The following ADGRE2 variants were observed in gnomAD, a reference collection of about 807,000 sequenced individuals.
The protein encoded by ADGRE2 is adhesion G protein-coupled receptor E2, also known as CD97 antigen.
In ADGRE2, 83 loss-of-function variants were observed where a neutral mutation model predicts 100.8. That is an observed-to-expected ratio of 0.82 (90% CI 0.69 to 0.99). The LOEUF (loss-of-function observed/expected upper bound fraction) is 0.99. Among genes scored for constraint, ADGRE2 ranks in the 50% least tolerant of loss-of-function variants. The pLI is 0.00. For synonymous variants in ADGRE2, 355 were observed against 413.0 expected, an observed-to-expected ratio of 0.86 and a Z score of 1.70; for missense variants, 814 against 1,035.7, an observed-to-expected ratio of 0.79 and a Z score of 2.94.
At chr19:14,727,833 A>G (rs1406911468), downstream of ADGRE2, among the ~76,000 whole-genome samples, 4 of 152,234 alleles carry the variant, frequency 2.6e-5, no homozygotes, top group Non-Finnish European at 5.9e-5. Flanking sequence ...GTGGAAAATC[A>G]ATGGCTTATG....
chr19:14,777,825 C>T (rs1289004252), intron 1 of ADGRE2, among the ~76,000 whole-genome samples: 1 of 152,154 alleles, frequency 6.6e-6, no homozygotes, highest in East Asian at 1.9e-4. Context: ...GACATGAACT[C>T]ATCCTTTTTT....
chr19:14,726,010 C>T, the ADGRE2 span, among the ~76,000 whole-genome samples: 1 of 152,188 alleles, frequency 6.6e-6, no homozygotes, highest in Admixed American at 6.5e-5. Context: ...CAATGTCAGT[C>T]TCCTTCCTGG....
At chr19:14,750,646 A>G (rs772847381) in intron 16 of ADGRE2, among the ~76,000 whole-genome samples, 6 of 152,314 alleles carry the variant, frequency 3.9e-5, no homozygotes, top group Non-Finnish European at 2.9e-5. Flanking sequence ...CTATGACAAT[A>G]TCAATTATTT....
Position 14,755,021 on chromosome 19 carries a change from G to C in ADGRE2, c.1523C>G (p.Thr508Ser). 1 of 1,614,118 alleles carries C rather than the reference G, an allele frequency of 6.2e-7. No individual in the cohort carries two copies. The highest frequency in any genetic ancestry group is 8.5e-7 in the Non-Finnish European group (1 of 1,180,020). Reference protein sequence around the residue: ...TGCSTIGTRDTSTICRCTHLS... With the variant: ...TGCSTIGTRDSSTICRCTHLS... The stretch of plus-strand genomic sequence containing the variant: ...GTGGGTGCAACGGCAGATGGTGCTG[G>C]TGTCTCTGGTGCCTATTGTGCTGCA... The change falls in exon 14 of 21, where the codon ACC (threonine) becomes AGC (serine). Residue 508 changes from threonine to serine, a missense_variant. By Grantham distance (58) the Thr-to-Ser change is moderately conservative. Coordinates refer to ENST00000315576, the MANE Select transcript of ADGRE2 (RefSeq NM_013447.4).
intron 5 of ADGRE2, among the ~76,000 whole-genome samples, chr19:14,769,843 A>G (rs746908774): frequency 5.3e-5 from 8 of 152,116 alleles, no homozygotes; most frequent in Admixed American, 1.3e-4. Flanking sequence ...GACTACAGGC[A>G]CCCACCACCA....
intron 20 of ADGRE2, among the ~76,000 whole-genome samples, chr19:14,740,545 C>T (rs1018054679): frequency 6.7e-6 from 1 of 150,332 alleles, no homozygotes; most frequent in Non-Finnish European, 1.5e-5. Context: ...CGCTTTAACC[C>T]AGGAGGCGGA....
rs1265810384 is a variant in ADGRE2 at position 14,743,642 on chromosome 19, G to A, written c.2326C>T (p.Leu776=). The part of the protein sequence containing the change: ...INSLQGVFIF[L]VYCLLSQQVR... Reference sequence around the variant, plus strand: ...TGCTGGCTGAGGAGGCAGTACACCAGGAAGATGAAGACACCCTGCAGGCTG... The same window carrying A: ...TGCTGGCTGAGGAGGCAGTACACCAAGAAGATGAAGACACCCTGCAGGCTG... Residue 776 remains leucine (L), a synonymous_variant, in exon 19 of 21, where the codon CTG becomes TTG. Coordinates refer to ENST00000315576, the MANE Select transcript of ADGRE2 (RefSeq NM_013447.4). 3 of 1,614,104 alleles carry A rather than the reference G, an allele frequency of 1.9e-6. No individual in the cohort carries two copies. In the African/African-American group the frequency reaches 4.0e-5, roughly 22 times the overall value.
At position 14,746,888 on chromosome 19, in the gene ADGRE2, T is replaced by C; in HGVS notation, c.2091+8A>G. 1.2e-6 allele frequency: 2 copies of C among 1,613,206 alleles called. No homozygotes were observed. On this transcript the variant is annotated splice_region_variant and intron_variant, in intron 17 of 20. Coordinates refer to ENST00000315576, the MANE Select transcript of ADGRE2 (RefSeq NM_013447.4). ...GGGCAGCGAGGATGCTCAGATGATG[T>C]CACTCACAGAGAAGATGGCGCAGAC... is the stretch of plus-strand genomic sequence containing the variant.
rs373761237 is a variant in ADGRE2, at chr19:14,774,261, G to A, written c.77C>T (p.Ser26Phe). 5.1e-6 allele frequency: 8 copies of A among 1,576,228 alleles called. No homozygotes were observed. The East Asian group carries it at 6.8e-5, about 13-fold the overall frequency. The part of the protein sequence containing the change: ...LTLPGAETQD[S>F]RGCARWCPQD... ...CTGCTTCCCAGCAGACTCACCCCTG[G>A]AGTCCTGGGTTTCAGCTCCCGGCAG... Residue 26 changes from serine (S) to phenylalanine (F), a missense_variant, in exon 3 of 21, where the codon TCC (serine) becomes TTC (phenylalanine). By Grantham distance (155) the Ser-to-Phe change is radical (BLOSUM62 -2). Coordinates refer to ENST00000315576, the MANE Select transcript of ADGRE2 (RefSeq NM_013447.4).
intron 16 of ADGRE2, among the ~76,000 whole-genome samples, chr19:14,748,423 C>T (rs761267635): frequency 1.2e-4 from 19 of 152,156 alleles, no homozygotes; most frequent in Non-Finnish European, 2.1e-4. Context: ...ATTCTTGTGC[C>T]TCAGCCTCCC....
chr19:14,753,261 AG>A (rs1384739005), intron 14 of ADGRE2, among the ~76,000 whole-genome samples: 2 of 151,852 alleles, frequency 1.3e-5, no homozygotes, highest in Non-Finnish European at 2.9e-5. Context: ...ACAGCAATGC[AG>A]GTTTATGTCC....
chr19:14,755,291 A>G (rs1341336206), intron 13 of ADGRE2, among the ~76,000 whole-genome samples, 164 bp from the exon 14 acceptor site: 1 of 115,212 alleles, frequency 8.7e-6, no homozygotes, highest in Non-Finnish European at 1.8e-5. Context: ...AAAAAAAAAA[A>G]AAAATACAAA....
At chr19:14,745,674 G>A (rs991992935) in intron 18 of ADGRE2, among the ~76,000 whole-genome samples, 6 of 151,190 alleles carry the variant, frequency 4.0e-5, no homozygotes, top group African/African-American at 1.5e-4. Context: ...GTGTGATCTC[G>A]GCTCACCGCA....
the ADGRE2 span, among the ~76,000 whole-genome samples, chr19:14,726,277 TC>T: frequency 6.6e-6 from 1 of 152,160 alleles, no homozygotes; most frequent in Non-Finnish European, 1.5e-5. Context: ...GCCCGCTAAA[TC>T]ATTCTTTTCT....
intron 18 of ADGRE2, 122 bp downstream of exon 18, chr19:14,746,110 C>A (rs2043077914): frequency 4.7e-6 from 3 of 643,780 alleles, no homozygotes; most frequent in Non-Finnish European, 8.4e-6. Context: ...ATGGCTGCGT[C>A]TGTTTTTTCT....
chr19:14,732,858 G>C lies in ADGRE2; in HGVS notation c.*3378C>G, dbSNP rs1257447551. The stretch of plus-strand genomic sequence containing the variant: ...CATTCATTTATGATTGTCTATAGCT[G>C]TTTTCATACCACAGTGGTAGAATTG... On this transcript the variant is annotated 3_prime_UTR_variant, in exon 21 of 21. Transcript: ENST00000315576. The C allele has an allele frequency of 6.6e-6, 1 of 152,034 alleles. No homozygotes were observed. Among genetic ancestry groups the C allele is most frequent in the African/African-American group, 2.4e-5 (1 of 41,390 alleles). The allele number at this position is 152,034 out of a possible 1,614,324, so 9.4% of individuals were successfully genotyped here. A position where few individuals can be genotyped will look rare whatever the true frequency, so the allele number is the denominator to read the frequency against.
At chr19:14,776,952 TAA>T in intron 1 of ADGRE2, 25 bp from the exon 2 acceptor site, 1 of 1,381,830 alleles carries the variant, frequency 7.2e-7, no homozygotes. Flanking sequence ...GAAAGCACAA[TAA>T]AAACACAGAA....
downstream of ADGRE2, chr19:14,731,424 C>T (rs1645981251): frequency 1.8e-6 from 1 of 563,242 alleles, no homozygotes; most frequent in Non-Finnish European, 3.1e-6. Context: ...AGGTTCCCCG[C>T]AAGGAGACTA....
chr19:14,759,726 G>A (rs2043643902), intron 11 of ADGRE2, among the ~76,000 whole-genome samples: 2 of 151,342 alleles, frequency 1.3e-5, no homozygotes, highest in African/African-American at 4.9e-5. Context: ...AACTCCTGAT[G>A]TCAGGTGATC....
Sources: allele counts gnomAD v4.1 joint callset (sites outside exome capture counted in the v4.1 genomes callset), GRCh38; gene constraint gnomAD v4.1.1; transcripts MANE v1.5; gene names NCBI Gene and HGNC (gene_info 2026-07-23, HGNC 2026-07-21).